Variants in CHD7 observed in about 807,000 individuals in gnomAD.
The protein encoded by CHD7 is chromodomain helicase DNA binding protein 7.
Under a neutral mutation model 307.3 loss-of-function variants are expected in CHD7, and 24 were observed. The ratio of observed to expected loss-of-function variants is 0.08; its 90% CI spans 0.06 to 0.11. The LOEUF (loss-of-function observed/expected upper bound fraction) is 0.11, where lower values mean the gene tolerates loss of function less well. Among genes scored for constraint, CHD7 ranks in the 10% least tolerant of loss-of-function variants. The pLI is 1.00. For missense variants in CHD7, 3,106 were observed against 3,727.1 expected, an observed-to-expected ratio of 0.83 and a Z score of 4.34; for synonymous variants, 1,363 against 1,349.9, an observed-to-expected ratio of 1.01 and a Z score of -0.21.
At chr8:60,839,590 A>G (rs992020004) in intron 19 of CHD7, among the ~76,000 whole-genome samples, 7 of 152,308 alleles carry the variant, frequency 4.6e-5, no homozygotes, top group East Asian at 1.9e-4. Context: ...ATGGAACTCC[A>G]TATCCTCCCC....
chr8:60,745,441 A>G lies in CHD7; in HGVS notation c.1665+2344A>G, dbSNP rs187977465. 2.2e-4 allele frequency among the ~76,000 whole-genome samples: 34 copies of G among 152,186 alleles called. No individual in the cohort carries two copies. The East Asian group carries it at 6.0e-3, about 27-fold the overall frequency. ...ACATGTGTGAGTCTGTGGCGTTTGA[A>G]TCCTTGACCAGTGGAGGCTCCATGC... On this transcript the variant is annotated intron_variant, in intron 2 of 37. Coordinates refer to ENST00000423902, the MANE Select transcript of CHD7 (RefSeq NM_017780.4).
chr8:60,837,085 C>T, intron 17 of CHD7, 73 bp downstream of exon 17: 1 of 1,201,808 alleles, frequency 8.3e-7, no homozygotes, highest in South Asian at 1.5e-5. Flanking sequence ...GAGTACCAGT[C>T]AGACCCATAA....
Position 60,865,792 on chromosome 8 carries a change from G to A in CHD7, c.8853G>A (p.Glu2951=). The A allele has an allele frequency of 6.2e-7, 1 of 1,614,036 alleles. No homozygotes were observed. The highest frequency in any genetic ancestry group is 1.1e-5 in the South Asian group (1 of 91,078). ...AGGGAGGACCCTTTAAAGATGGAGA[G>A]ACCCTTGAAGGCAGCGATGCCGAGG... is the stretch of plus-strand genomic sequence containing the variant. ...KAEGGPFKDG[E]TLEGSDAEES... is the part of the protein sequence containing the mutation. The change falls in exon 38 of 38, where the codon GAG becomes GAA. Residue 2951 remains glutamate (E), a synonymous_variant. Coordinates refer to ENST00000423902, the MANE Select transcript of CHD7 (RefSeq NM_017780.4). This position sits in a 1 kb window ranked among gnomAD's most constrained non-coding sequence, Gnocchi z 4.3.
intron 1 of CHD7, among the ~76,000 whole-genome samples, chr8:60,703,529 A>G (rs922233100): frequency 1.3e-5 from 2 of 152,196 alleles, no homozygotes; most frequent in African/African-American, 4.8e-5. Context: ...CCACCACCCA[A>G]CTGAAAAACC....
chr8:60,856,501 C>G lies in CHD7; in HGVS notation c.7221C>G (p.Ile2407Met). 1 of 1,613,698 alleles carries G rather than the reference C, an allele frequency of 6.2e-7. No homozygotes were observed. The highest frequency in any genetic ancestry group is 8.5e-7 in the Non-Finnish European group (1 of 1,179,786). ...PRQRRRRRRK[I>M]EIEAERAAKR... Reference sequence around the variant, plus strand: ...AGCGGAGGAGGAGGAGGAGAAAAATCGAAATTGAGGCCGAAAGAGCTGCCA... The same window carrying G: ...AGCGGAGGAGGAGGAGGAGAAAAATGGAAATTGAGGCCGAAAGAGCTGCCA... The change falls in exon 34 of 38, where the codon ATC becomes ATG. Residue 2407 changes from isoleucine to methionine, a missense_variant. By Grantham distance (10) the Ile-to-Met change is conservative (BLOSUM62 1). Around this residue, in one of 10 missense-constraint regions of CHD7, gnomAD observed 1,030 missense variants for 1,165.4 expected, o/e 0.88. Coordinates refer to ENST00000423902, the MANE Select transcript of CHD7 (RefSeq NM_017780.4).
intron 19 of CHD7, 36 bp from the exon 20 acceptor site, chr8:60,841,608 G>C (rs370162159): frequency 1.3e-6 from 2 of 1,492,442 alleles, no homozygotes; most frequent in Non-Finnish European, 1.9e-6. Context: ...TCTGAGAAAG[G>C]CCTCTCAAAG....
At position 60,856,431 on chromosome 8, in the gene CHD7, G is replaced by C; in HGVS notation, c.7165-14G>C. 1 of 1,598,946 alleles carries C rather than the reference G, an allele frequency of 6.3e-7. No individual in the cohort carries two copies. On this transcript the variant is annotated splice_polypyrimidine_tract_variant and intron_variant, in intron 33 of 37. Coordinates refer to ENST00000423902, the MANE Select transcript of CHD7 (RefSeq NM_017780.4). Reference sequence around the variant, plus strand: ...GGCTCACTGCAACTCTGTTCTGTTGGAATTTTTCAATAGGAAGATGCCCTC... The same window carrying C: ...GGCTCACTGCAACTCTGTTCTGTTGCAATTTTTCAATAGGAAGATGCCCTC...
chr8:60,744,565 A>G lies in CHD7; in HGVS notation c.1665+1468A>G, dbSNP rs1432460113. Among the ~76,000 whole-genome samples the G allele has an allele frequency of 2.1e-5, 3 of 139,564 alleles. 1 individual carries two copies. Among genetic ancestry groups the G allele is most frequent in the South Asian group, 4.7e-4 (2 of 4,296 alleles). 91.6% of individuals were successfully genotyped at this position (139,564 alleles called of 152,430 possible). ...TCATTAAAAAAAAGAAAAAAAAAGT[A>G]TTTTAGGCCAGGCACAATGGCTCAT... On this transcript the variant is annotated intron_variant, in intron 2 of 37. Coordinates refer to ENST00000423902, the MANE Select transcript of CHD7 (RefSeq NM_017780.4).
At chr8:60,800,092 G>A (rs897290821) in intron 4 of CHD7, among the ~76,000 whole-genome samples, 5 of 151,436 alleles carry the variant, frequency 3.3e-5, no homozygotes, top group African/African-American at 9.7e-5. Flanking sequence ...GTGCAGTGGC[G>A]AAATCTCGGC....
At chr8:60,747,325 G>T (rs367964725) in intron 2 of CHD7, among the ~76,000 whole-genome samples, 6 of 151,890 alleles carry the variant, frequency 4.0e-5, no homozygotes, top group Non-Finnish European at 7.4e-5. Context: ...TGATCCACCC[G>T]CTGTGGCCTC....
chr8:60,717,312 C>T (rs1807659624), intron 1 of CHD7, among the ~76,000 whole-genome samples: 1 of 152,288 alleles, frequency 6.6e-6, no homozygotes, highest in Middle Eastern at 3.4e-3. Flanking sequence ...GCAGAGTAAA[C>T]ACTTTGGTTA....
intron 21 of CHD7, among the ~76,000 whole-genome samples, chr8:60,844,044 C>T (rs1005524763): frequency 6.6e-6 from 1 of 152,210 alleles, no homozygotes. Context: ...ATGAGCACTG[C>T]CTTGGTGGCT....
At chr8:60,680,113 C>T (rs1361558561) in intron 1 of CHD7, among the ~76,000 whole-genome samples, 2 of 151,782 alleles carry the variant, frequency 1.3e-5, no homozygotes, top group South Asian at 2.1e-4. Context: ...GCCCCCCAAC[C>T]CGCCGGGGGT....
chr8:60,685,645 A>G (rs1805845321), intron 1 of CHD7, among the ~76,000 whole-genome samples: 1 of 152,230 alleles, frequency 6.6e-6, no homozygotes. Flanking sequence ...TGTGGAGAAG[A>G]ATACCAATGT....
In CHD7 at chr8:60,866,050, CA is replaced by C. The variant is rs11322994; in HGVS notation, c.*127del. The C allele has an allele frequency of 0.075, 60,192 of 801,128 alleles. 5,023 individuals carry two copies. The highest frequency in any genetic ancestry group is 0.38 in the African/African-American group (21,748 of 56,634). 49.6% of individuals were successfully genotyped at this position (801,128 alleles called of 1,614,324 possible). On this transcript the variant is annotated 3_prime_UTR_variant, in exon 38 of 38. Transcript: ENST00000423902. Reference sequence around the variant, plus strand: ...TAAGCTGTTCTGTAACATAGTGTAGCAAAAAAAAAAGTTCAAGTCATGTTAT... The same window carrying C: ...TAAGCTGTTCTGTAACATAGTGTAGCAAAAAAAAAGTTCAAGTCATGTTAT...
At chr8:60,819,220 T>C (rs1803904661) in intron 8 of CHD7, among the ~76,000 whole-genome samples, 1 of 152,216 alleles carries the variant, frequency 6.6e-6, no homozygotes, top group African/African-American at 2.4e-5. Flanking sequence ...CCCAAAGTGC[T>C]GAGATTACAG....
At chr8:60,700,756 T>A (rs762850297) in intron 1 of CHD7, among the ~76,000 whole-genome samples, 3 of 152,222 alleles carry the variant, frequency 2.0e-5, no homozygotes, top group Non-Finnish European at 4.4e-5. Flanking sequence ...TGGTTCTAAT[T>A]TAGACTCCTC....
chr8:60,709,094 T>G (rs1055098753), intron 1 of CHD7, among the ~76,000 whole-genome samples: 1 of 152,242 alleles, frequency 6.6e-6, no homozygotes, highest in Non-Finnish European at 1.5e-5. Context: ...TCTACGTTCC[T>G]GTTTTCTTCT....
At position 60,828,754 on chromosome 8, in the gene CHD7, C is replaced by T. The variant is rs765906108; in HGVS notation, c.3470C>T (p.Pro1157Leu). 1 of 1,613,648 alleles carries T rather than the reference C, an allele frequency of 6.2e-7. No individual in the cohort carries two copies. Among genetic ancestry groups the T allele is most frequent in the Non-Finnish European group, 8.5e-7 (1 of 1,179,706 alleles). The change falls in exon 14 of 38, where the codon CCT (proline) becomes CTT (leucine). Residue 1157 changes from proline to leucine, a missense_variant. Pro to Leu is a moderately conservative substitution (Grantham distance 98, BLOSUM62 -3). Around this residue, in one of 10 missense-constraint regions of CHD7, gnomAD observed 232 missense variants for 422.5 expected, o/e 0.55. Transcript: ENST00000423902. Reference protein sequence around the residue: ...LLHFLEPSRFPSETTFMQEFG... With the variant: ...LLHFLEPSRFLSETTFMQEFG... ...CATTTCTTGGAACCAAGTCGCTTCC[C>T]TTCAGAAACCACATTTATGCAAGAA...
Sources: allele counts gnomAD v4.1 joint callset (sites outside exome capture counted in the v4.1 genomes callset), GRCh38; gene constraint gnomAD v4.1.1; regional missense constraint gnomAD v4.1.1; non-coding constraint Gnocchi (gnomAD v3.1); transcripts MANE v1.5; gene names NCBI Gene and HGNC (gene_info 2026-07-23, HGNC 2026-07-21).